Variants in OR1D2 observed in about 807,000 individuals in gnomAD.
The protein encoded by OR1D2 is olfactory receptor family 1 subfamily D member 2, also known as olfactory receptor 1D2.
For synonymous variants in OR1D2, 157 were observed against 153.9 expected, an observed-to-expected ratio of 1.02 and a Z score of -0.15; for missense variants, 357 against 376.1, an observed-to-expected ratio of 0.95 and a Z score of 0.42.
In OR1D2 at chr17:3,089,077, T is replaced by C. The variant is rs2047791220; in HGVS notation, c.*2981A>G. On this transcript the variant is annotated 3_prime_UTR_variant, in exon 2 of 2. Transcript: ENST00000641833. ...ACCTTGTTTTGTCATATTACCAGATTTGTTTTTCTGGTTCCTTCTCATTTG... is the reference window on the plus strand; with the variant it reads ...ACCTTGTTTTGTCATATTACCAGATCTGTTTTTCTGGTTCCTTCTCATTTG... 1 of 152,192 alleles carries C rather than the reference T, an allele frequency of 6.6e-6. No individual in the cohort carries two copies. Among genetic ancestry groups the C allele is most frequent in the African/African-American group, 2.4e-5 (1 of 41,456 alleles). The allele number at this position is 152,192 out of a possible 1,614,324, so 9.4% of individuals were successfully genotyped here.
At chr17:3,095,095 A>G (rs1039374357) in intron 1 of OR1D2, among the ~76,000 whole-genome samples, 3 of 152,110 alleles carry the variant, frequency 2.0e-5, no homozygotes, top group African/African-American at 7.2e-5. Context: ...CAGAAAAAAA[A>G]TCCAAAGAAA....
rs914847722 is a variant in OR1D2, at chr17:3,091,278, T to G, written c.*780A>C. 3 of 152,240 alleles carry G rather than the reference T, an allele frequency of 2.0e-5. No homozygotes were observed. The allele number at this position is 152,240 out of a possible 1,614,324, so 9.4% of individuals were successfully genotyped here. A position where few individuals can be genotyped will look rare whatever the true frequency, so the allele number is the denominator to read the frequency against. ...CCGTTTTGAAATATCTTTTACCTGA[T>G]GTCATTGCAGCAATATTTCACTTAA... On this transcript the variant is annotated 3_prime_UTR_variant, in exon 2 of 2. Transcript: ENST00000641833.
Position 3,092,583 on chromosome 17 carries a change from A to T in OR1D2, c.414T>A (p.Pro138=). The T allele has an allele frequency of 1.2e-6, 2 of 1,614,162 alleles. No homozygotes were observed. The part of the protein sequence containing the change: ...CPLHYTTAMS[P]KLCILLLSLC... ...AGGAAAGGAGTAAGATACAGAGCTTAGGGCTCATGGCTGTGGTGTAGTGGA... is the reference window on the plus strand; with the variant it reads ...AGGAAAGGAGTAAGATACAGAGCTTTGGGCTCATGGCTGTGGTGTAGTGGA... Residue 138 remains proline (P), a synonymous_variant, in exon 2 of 2, where the codon CCT becomes CCA. Coordinates refer to ENST00000641833, the MANE Select transcript of OR1D2 (RefSeq NM_002548.3).
At chr17:3,097,636 T>C (rs1018016712) in intron 1 of OR1D2, among the ~76,000 whole-genome samples, 3 of 152,156 alleles carry the variant, frequency 2.0e-5, no homozygotes, top group Admixed American at 2.0e-4. Flanking sequence ...TCAGCTAGAA[T>C]CTGCTTAAGC....
chr17:3,089,889 C>G lies in OR1D2; in HGVS notation c.*2169G>C, dbSNP rs1362355790. The G allele has an allele frequency of 6.6e-6, 1 of 152,278 alleles. No homozygotes were observed. The highest frequency in any genetic ancestry group is 2.4e-5 in the African/African-American group (1 of 41,440). 9.4% of individuals were successfully genotyped at this position (152,278 alleles called of 1,614,324 possible). A position where few individuals can be genotyped will look rare whatever the true frequency, so the allele number is the denominator to read the frequency against. On this transcript the variant is annotated 3_prime_UTR_variant, in exon 2 of 2. Transcript: ENST00000641833. ...AAGTGGCCATGTCACTCCCAATGTGCCCTACCCCTAACAGTGCTGAGTTTA... is the reference window on the plus strand; with the variant it reads ...AAGTGGCCATGTCACTCCCAATGTGGCCTACCCCTAACAGTGCTGAGTTTA...
At chr17:3,101,772 T>G (rs1439995521) in intron 1 of OR1D2, among the ~76,000 whole-genome samples, 1 of 152,154 alleles carries the variant, frequency 6.6e-6, no homozygotes, top group Admixed American at 6.6e-5. Flanking sequence ...GAAAACCCCA[T>G]CATTTCCACC....
chr17:3,098,640 C>T (rs1021247675), intron 1 of OR1D2, among the ~76,000 whole-genome samples: 2 of 152,146 alleles, frequency 1.3e-5, no homozygotes, highest in East Asian at 1.9e-4. Flanking sequence ...AGTTGCAATA[C>T]CTCGCCAGCC....
intron 1 of OR1D2, among the ~76,000 whole-genome samples, chr17:3,099,783 C>T (rs534223065): frequency 5.9e-5 from 9 of 152,208 alleles, no homozygotes; most frequent in Admixed American, 3.3e-4. Context: ...AGACCCATCT[C>T]ACGTACAAAG....
At chr17:3,099,277 A>G (rs564725579) in intron 1 of OR1D2, among the ~76,000 whole-genome samples, 76 of 152,332 alleles carry the variant, frequency 5.0e-4, no homozygotes, top group African/African-American at 1.7e-3. Flanking sequence ...GCAGCCAGAG[A>G]GAAAGGTCAG....
At position 3,102,504 on chromosome 17, in the gene OR1D2, C is replaced by T. The variant is rs540770759; in HGVS notation, c.-51+1595G>A. Among the ~76,000 whole-genome samples, 27 of 152,200 alleles carry T rather than the reference C, an allele frequency of 1.8e-4. No individual in the cohort carries two copies. The South Asian group carries it at 2.3e-3, about 13-fold the overall frequency. On this transcript the variant is annotated intron_variant, in intron 1 of 1. Transcript: ENST00000641833. ...ATGTATATACATCTTTTATTTACAA[C>T]GACGTATATCGTTGTAACAACGAGC...
chr17:3,099,985 C>A (rs781064148), intron 1 of OR1D2, among the ~76,000 whole-genome samples: 15 of 152,100 alleles, frequency 9.9e-5, no homozygotes, highest in East Asian at 1.9e-4. Context: ...GCTAACTATC[C>A]TAAATATATA....
In OR1D2 at chr17:3,090,677, T is replaced by C. The variant is rs1412330639; in HGVS notation, c.*1381A>G. ...ATTCTGGGCTGGCCAGTTGGCAGGG[T>C]CTATGGGCAGGCAGGCCTAGTGCTT... is the stretch of plus-strand genomic sequence containing the variant. On this transcript the variant is annotated 3_prime_UTR_variant, in exon 2 of 2. Coordinates refer to ENST00000641833, the MANE Select transcript of OR1D2 (RefSeq NM_002548.3). 6.6e-6 allele frequency: 1 copy of C among 152,234 alleles called. No individual in the cohort carries two copies. Among genetic ancestry groups the C allele is most frequent in the Non-Finnish European group, 1.5e-5 (1 of 68,086 alleles). 9.4% of individuals were successfully genotyped at this position (152,234 alleles called of 1,614,324 possible). A position where few individuals can be genotyped will look rare whatever the true frequency, so the allele number is the denominator to read the frequency against.
chr17:3,090,797 T>C lies in OR1D2; in HGVS notation c.*1261A>G, dbSNP rs952559911. 3.2e-4 allele frequency: 48 copies of C among 151,640 alleles called. No homozygotes were observed. Among genetic ancestry groups the C allele is most frequent in the African/African-American group, 1.1e-3 (47 of 41,174 alleles). 9.4% of individuals were successfully genotyped at this position (151,640 alleles called of 1,614,324 possible). A position where few individuals can be genotyped will look rare whatever the true frequency, so the allele number is the denominator to read the frequency against. ...TTGTTAAAATACACATACTGACTAT[T>C]AAGAGCTCCCAACCATTTTCTTATT... On this transcript the variant is annotated 3_prime_UTR_variant, in exon 2 of 2. Transcript: ENST00000641833.
At chr17:3,096,856 T>A (rs1299607340) in intron 1 of OR1D2, among the ~76,000 whole-genome samples, 2 of 152,156 alleles carry the variant, frequency 1.3e-5, no homozygotes, top group Non-Finnish European at 2.9e-5. Context: ...CACTGTAAAT[T>A]AACTGCGCCT....
At chr17:3,094,736 T>A (rs1416793588) in intron 1 of OR1D2, among the ~76,000 whole-genome samples, 1 of 152,072 alleles carries the variant, frequency 6.6e-6, no homozygotes, top group Non-Finnish European at 1.5e-5. Flanking sequence ...TTGAAAATAT[T>A]TTCACAAAAC....
intron 1 of OR1D2, among the ~76,000 whole-genome samples, chr17:3,095,469 GA>G (rs1278177441): frequency 6.6e-6 from 1 of 152,024 alleles, no homozygotes; most frequent in Non-Finnish European, 1.5e-5. Context: ...CAAAAACACA[GA>G]AAATTTTTGC....
At chr17:3,097,099 C>A (rs2047849526) in intron 1 of OR1D2, among the ~76,000 whole-genome samples, 1 of 152,142 alleles carries the variant, frequency 6.6e-6, no homozygotes, top group East Asian at 1.9e-4. Flanking sequence ...TACTTCATTT[C>A]CATATTGTGG....
intron 1 of OR1D2, among the ~76,000 whole-genome samples, chr17:3,093,579 G>C (rs1031931301): frequency 1.3e-5 from 2 of 152,102 alleles, no homozygotes; most frequent in Non-Finnish European, 2.9e-5. Flanking sequence ...TTCTTCATGC[G>C]AATCATGAGT....
intron 1 of OR1D2, among the ~76,000 whole-genome samples, chr17:3,101,282 T>C (rs1017037853): frequency 6.6e-5 from 10 of 152,208 alleles, no homozygotes; most frequent in African/African-American, 1.9e-4. Flanking sequence ...AATAAAATAC[T>C]GTCAAACCGA....
Sources: gnomAD v4.1 joint callset for allele counts (sites outside exome capture counted in the v4.1 genomes callset) on GRCh38, gnomAD v4.1.1 for gene constraint, MANE v1.5 for transcripts, NCBI Gene and HGNC (gene_info 2026-07-23, HGNC 2026-07-21) for gene names.